The following THSD7B variants were observed in gnomAD, a reference collection of about 807,000 sequenced individuals.
THSD7B encodes the protein thrombospondin type 1 domain containing 7B.
Under a neutral mutation model 213.6 loss-of-function variants are expected in THSD7B, and 138 were observed. That is an observed-to-expected ratio of 0.65 (90% CI 0.56 to 0.74). The LOEUF (loss-of-function observed/expected upper bound fraction) is 0.74. Ranked by LOEUF, THSD7B falls within the 30% of genes least tolerant of loss-of-function variation. The probability of loss-of-function intolerance (pLI) is 0.00; values close to 1 mark genes in which losing one functional copy is unlikely to be tolerated. For synonymous variants in THSD7B, 742 were observed against 687.0 expected, an observed-to-expected ratio of 1.08 and a Z score of -1.25; for missense variants, 1,931 against 1,991.5, an observed-to-expected ratio of 0.97 and a Z score of 0.58.
At chr2:137,319,161 C>G (rs1684205471) in intron 12 of THSD7B, among the ~76,000 whole-genome samples, 1 of 151,134 alleles carries the variant, frequency 6.6e-6, no homozygotes, top group South Asian at 2.1e-4. Context: ...GTTCCTATAA[C>G]TTGTGGTTTT....
At chr2:137,142,607 G>A (rs79597129) in intron 5 of THSD7B, among the ~76,000 whole-genome samples, 2,302 of 151,988 alleles carry the variant, frequency 0.015, 44 homozygotes, top group East Asian at 0.05. Context: ...GACAATAATT[G>A]TATATAAGCC....
chr2:136,829,651 A>C (rs1573657869), intron 1 of THSD7B, among the ~76,000 whole-genome samples: 1 of 152,152 alleles, frequency 6.6e-6, no homozygotes, highest in Non-Finnish European at 1.5e-5. Flanking sequence ...AAGATTAAGC[A>C]CTCATTAATA....
intron 12 of THSD7B, among the ~76,000 whole-genome samples, chr2:137,298,444 A>G (rs1487777882): frequency 1.3e-5 from 2 of 152,156 alleles, no homozygotes; most frequent in African/African-American, 4.8e-5. Context: ...TTTTTTAAGG[A>G]GAAACTCAAG....
chr2:137,350,355 A>G (rs902738096), intron 12 of THSD7B, among the ~76,000 whole-genome samples: 1 of 151,856 alleles, frequency 6.6e-6, no homozygotes, highest in Non-Finnish European at 1.5e-5. Context: ...GAGTATTTCC[A>G]GTAAAAGTAA....
intron 7 of THSD7B, among the ~76,000 whole-genome samples, chr2:137,215,497 G>C (rs1041987234): frequency 6.6e-5 from 10 of 152,162 alleles, no homozygotes; most frequent in Non-Finnish European, 1.0e-4. Context: ...AAAAGTAGAT[G>C]CTGGCCTGGA....
In THSD7B at chr2:136,814,717, A is replaced by G. The variant is rs370476994; in HGVS notation, c.-36+49030A>G. Among the ~76,000 whole-genome samples, 30 of 152,292 alleles carry G rather than the reference A, an allele frequency of 2.0e-4. No individual in the cohort carries two copies. In the East Asian group the frequency reaches 4.4e-3, roughly 23 times the overall value. On this transcript the variant is annotated intron_variant, in intron 1 of 27. Transcript: ENST00000409968. ...TTAGTATATAATTTTTTATATATGC[A>G]AAGAAATCTTTAGGGAAGAATATTA...
chr2:137,538,477 A>T, intron 15 of THSD7B: 1 of 517,542 alleles, frequency 1.9e-6, no homozygotes, highest in Non-Finnish European at 3.9e-6. Context: ...GCTAACATGG[A>T]CTTCTACAAA....
At position 137,660,642 on chromosome 2, in the gene THSD7B, G is replaced by C. The variant is rs1378413375; in HGVS notation, c.4458+896G>C. Among the ~76,000 whole-genome samples, 8 of 152,168 alleles carry C rather than the reference G, an allele frequency of 5.3e-5. No individual in the cohort carries two copies. In the East Asian group the frequency reaches 1.3e-3, roughly 26 times the overall value. On this transcript the variant is annotated intron_variant, in intron 25 of 27. Coordinates refer to ENST00000409968, the MANE Select transcript of THSD7B (RefSeq NM_001316349.2). ...TCTGGATGTCCTCTTTAATTAAACA[G>C]AAAATACTTTTTTCCTTGAACTCTT...
chr2:136,870,700 C>A (rs1235803982), intron 1 of THSD7B, among the ~76,000 whole-genome samples: 2 of 152,036 alleles, frequency 1.3e-5, no homozygotes, highest in East Asian at 1.9e-4. Context: ...AAGGTGCATG[C>A]TTGAGGAACA....
intron 21 of THSD7B, among the ~76,000 whole-genome samples, chr2:137,644,686 G>A (rs1202786135): frequency 1.3e-5 from 2 of 152,076 alleles, no homozygotes; most frequent in African/African-American, 4.8e-5. Context: ...CAAAATGCAC[G>A]TGGGCCTTTT....
intron 12 of THSD7B, among the ~76,000 whole-genome samples, chr2:137,282,421 T>G (rs1683047778): frequency 6.6e-6 from 1 of 152,244 alleles, no homozygotes; most frequent in Admixed American, 6.5e-5. Flanking sequence ...AGATCCCATC[T>G]GTCAATGTTG....
intron 12 of THSD7B, among the ~76,000 whole-genome samples, chr2:137,299,121 CA>C (rs1683539526): frequency 6.6e-6 from 1 of 152,142 alleles, no homozygotes; most frequent in Non-Finnish European, 1.5e-5. Flanking sequence ...CATGGGAACC[CA>C]CCTTTTGCAT....
chr2:137,187,465 C>A (rs2105011315), intron 7 of THSD7B, among the ~76,000 whole-genome samples: 1 of 152,298 alleles, frequency 6.6e-6, no homozygotes, highest in East Asian at 1.9e-4. Flanking sequence ...TCAGTTACTT[C>A]CTTTTGCCTG....
intron 15 of THSD7B, among the ~76,000 whole-genome samples, chr2:137,560,342 A>G (rs1681084265): frequency 1.3e-5 from 2 of 152,296 alleles, no homozygotes; most frequent in South Asian, 2.1e-4. Context: ...CTGGGTTAAA[A>G]AAAATGTGGC....
At chr2:136,837,510 C>T (rs1442610636) in intron 1 of THSD7B, among the ~76,000 whole-genome samples, 5 of 152,232 alleles carry the variant, frequency 3.3e-5, no homozygotes, top group Admixed American at 3.3e-4. Context: ...TTCAGAGTGA[C>T]TGCTCTGTCT....
At chr2:137,326,016 A>G (rs1453092310) in intron 12 of THSD7B, among the ~76,000 whole-genome samples, 1 of 152,214 alleles carries the variant, frequency 6.6e-6, no homozygotes, top group Non-Finnish European at 1.5e-5. Context: ...TTTCTCATAT[A>G]CCATTGACTT....
intron 12 of THSD7B, among the ~76,000 whole-genome samples, chr2:137,310,178 T>A (rs1270432626): frequency 6.6e-6 from 1 of 152,158 alleles, no homozygotes; most frequent in African/African-American, 2.4e-5. Flanking sequence ...GTTTCCTGAC[T>A]TTTTAATGAT....
chr2:137,659,705 T>C lies in THSD7B; in HGVS notation c.4417T>C (p.Cys1473Arg). The change falls in exon 25 of 28, where the codon TGC becomes CGC. Residue 1473 changes from cysteine (C) to arginine (R), a missense_variant. Coordinates refer to ENST00000409968, the MANE Select transcript of THSD7B (RefSeq NM_001316349.2). ...GGCCCGTCCTGCTGCCATTCGGCAGTGCATTCCAGCCTGCAGAAAACCTTT... is the reference window on the plus strand; with the variant it reads ...GGCCCGTCCTGCTGCCATTCGGCAGCGCATTCCAGCCTGCAGAAAACCTTT... ...PQARPAAIRQ[C>R]IPACRKPFSY... 2 of 1,605,096 alleles carry C rather than the reference T, an allele frequency of 1.2e-6. No homozygotes were observed. The highest frequency in any genetic ancestry group is 1.1e-5 in the South Asian group (1 of 89,078).
At chr2:137,461,106 AT>A in intron 15 of THSD7B, among the ~76,000 whole-genome samples, 1 of 151,602 alleles carries the variant, frequency 6.6e-6, no homozygotes, top group Admixed American at 6.6e-5. Context: ...ACATTTTTTC[AT>A]TTTATTGTTG....
Sources: allele counts gnomAD v4.1 joint callset (sites outside exome capture counted in the v4.1 genomes callset), GRCh38; gene constraint gnomAD v4.1.1; transcripts MANE v1.5; gene names NCBI Gene and HGNC (gene_info 2026-07-23, HGNC 2026-07-21).